PDE4D: variants seen among roughly 807,000 people sequenced by gnomAD.
PDE4D encodes the protein phosphodiesterase 4D.
In PDE4D, 24 loss-of-function variants were observed where a neutral mutation model predicts 87.4. That is an observed-to-expected ratio of 0.27 (90% confidence interval 0.20 to 0.39). The LOEUF (loss-of-function observed/expected upper bound fraction) is 0.39. Among genes scored for constraint, PDE4D ranks in the 10% least tolerant of loss-of-function variants. PDE4D has a pLI of 1.00. For missense variants in PDE4D, 714 were observed against 1,041.0 expected, an observed-to-expected ratio of 0.69 and a Z score of 4.32; for synonymous variants, 384 against 383.2, an observed-to-expected ratio of 1.00 and a Z score of -0.02.
Position 59,004,555 on chromosome 5 carries a change from A to C in PDE4D, c.922-11090T>G, listed in dbSNP as rs1381580212. Among the ~76,000 whole-genome samples the C allele has an allele frequency of 4.6e-5, 7 of 152,372 alleles. No homozygotes were observed. The East Asian group carries it at 1.3e-3, about 29-fold the overall frequency. Reference sequence around the variant, plus strand: ...ATGAATGATTCTTTGAAAGGTTTCAAATGTAACAAAGTGCCATCTTCACAA... The same window carrying C: ...ATGAATGATTCTTTGAAAGGTTTCACATGTAACAAAGTGCCATCTTCACAA... On this transcript the variant is annotated intron_variant, in intron 6 of 14. Transcript: ENST00000340635.
intron 1 of PDE4D, among the ~76,000 whole-genome samples, chr5:59,696,343 A>T (rs1751773949): frequency 6.6e-6 from 1 of 152,188 alleles, no homozygotes; most frequent in Admixed American, 6.5e-5. Context: ...AATGACTACT[A>T]TAATTGGGCA....
chr5:59,556,700 G>A (rs1818986519), intron 1 of PDE4D, among the ~76,000 whole-genome samples: 1 of 152,144 alleles, frequency 6.6e-6, no homozygotes, highest in South Asian at 2.1e-4. Context: ...TCCTTCAGAG[G>A]AAGCACTATG....
chr5:60,510,811 A>G (rs558393312), intron 1 of PDE4D, among the ~76,000 whole-genome samples: 18 of 152,344 alleles, frequency 1.2e-4, no homozygotes, highest in Admixed American at 3.9e-4. Flanking sequence ...GTGGTAAGGC[A>G]GCTACTGTGA....
intron 1 of PDE4D, among the ~76,000 whole-genome samples, chr5:60,328,406 C>G (rs906139832): frequency 6.6e-6 from 1 of 151,988 alleles, no homozygotes; most frequent in Non-Finnish European, 1.5e-5. Flanking sequence ...GGAATCAAGT[C>G]ATTCAGTATG....
At chr5:59,675,758 T>C (rs1228497597) in intron 1 of PDE4D, among the ~76,000 whole-genome samples, 2 of 152,166 alleles carry the variant, frequency 1.3e-5, no homozygotes, top group African/African-American at 4.8e-5. Flanking sequence ...GGCGCAATCC[T>C]GGCTTACTGT....
intron 1 of PDE4D, among the ~76,000 whole-genome samples, chr5:59,547,751 C>T (rs1817509816): frequency 6.6e-6 from 1 of 152,148 alleles, no homozygotes; most frequent in Non-Finnish European, 1.5e-5. Context: ...CATGCATCTT[C>T]TCCTCTTATT....
At chr5:60,405,060 G>A (rs1432365758) in intron 1 of PDE4D, among the ~76,000 whole-genome samples, 2 of 152,180 alleles carry the variant, frequency 1.3e-5, no homozygotes, top group African/African-American at 2.4e-5. Flanking sequence ...AACTAAATTT[G>A]GCTGACATCT....
At chr5:59,203,602 G>A (rs964242452) in intron 2 of PDE4D, among the ~76,000 whole-genome samples, 1 of 150,900 alleles carries the variant, frequency 6.6e-6, no homozygotes, top group East Asian at 1.9e-4. Context: ...TCTAACAACA[G>A]ATGAATAAAG....
intron 2 of PDE4D, among the ~76,000 whole-genome samples, chr5:60,003,566 C>T (rs796123116): frequency 7.2e-5 from 11 of 151,754 alleles, no homozygotes; most frequent in East Asian, 1.9e-4. Context: ...AAAAATTAGC[C>T]GAACGTGGTG....
chr5:59,313,149 G>T (rs1773024192), intron 1 of PDE4D, among the ~76,000 whole-genome samples: 1 of 152,112 alleles, frequency 6.6e-6, no homozygotes, highest in South Asian at 2.1e-4. Flanking sequence ...CTCTGGAAAT[G>T]ACAGGTAGTG....
chr5:59,198,643 G>A (rs1271665116), intron 2 of PDE4D, among the ~76,000 whole-genome samples: 1 of 152,168 alleles, frequency 6.6e-6, no homozygotes, highest in African/African-American at 2.4e-5. Flanking sequence ...TTGAAAGCAG[G>A]AGAATACAGG....
chr5:59,099,046 A>T (rs1770275962), intron 5 of PDE4D, among the ~76,000 whole-genome samples: 1 of 152,182 alleles, frequency 6.6e-6, no homozygotes, highest in Non-Finnish European at 1.5e-5. Context: ...GGCAGATGTC[A>T]CCCAATATAA....
intron 3 of PDE4D, chr5:59,987,788 C>A (rs1762594121): frequency 2.0e-5 from 3 of 152,180 alleles, no homozygotes; most frequent in Admixed American, 2.0e-4. Flanking sequence ...TCCTTACTTT[C>A]TTTCACAATT....
intron 1 of PDE4D, among the ~76,000 whole-genome samples, chr5:60,427,228 A>G (rs2150104496): frequency 6.6e-6 from 1 of 152,342 alleles, no homozygotes; most frequent in East Asian, 1.9e-4. Flanking sequence ...AAGAATAAAT[A>G]TAAAGAAAAC....
At chr5:59,195,562 G>A (rs1174851367) in intron 2 of PDE4D, among the ~76,000 whole-genome samples, 1 of 152,204 alleles carries the variant, frequency 6.6e-6, no homozygotes, top group Non-Finnish European at 1.5e-5. Flanking sequence ...TGTATGAAAT[G>A]TACAAGAACT....
chr5:59,492,034 A>T (rs527318196), intron 1 of PDE4D, among the ~76,000 whole-genome samples: 2 of 152,268 alleles, frequency 1.3e-5, no homozygotes, highest in East Asian at 3.9e-4. Context: ...AAGAGAGAGA[A>T]ATCTACTGCA....
chr5:60,040,281 T>C (rs1768321305), intron 2 of PDE4D, among the ~76,000 whole-genome samples: 2 of 152,170 alleles, frequency 1.3e-5, no homozygotes, highest in Non-Finnish European at 2.9e-5. Flanking sequence ...GAAAGACCAG[T>C]GTTGTCACAT....
chr5:59,738,973 C>T (rs546225795), intron 1 of PDE4D, among the ~76,000 whole-genome samples: 1 of 151,560 alleles, frequency 6.6e-6, no homozygotes, highest in Admixed American at 6.6e-5. Flanking sequence ...GAACATTGAC[C>T]TGAGGGTGAG....
chr5:59,797,257 A>C (rs1268335027), intron 1 of PDE4D: 1 of 152,262 alleles, frequency 6.6e-6, no homozygotes. Context: ...ATTTTCTAGA[A>C]GTTAGATCAG....
Sources: gnomAD v4.1 joint callset for allele counts (sites outside exome capture counted in the v4.1 genomes callset) on GRCh38, gnomAD v4.1.1 for gene constraint, MANE v1.5 for transcripts, NCBI Gene and HGNC (gene_info 2026-07-23, HGNC 2026-07-21) for gene names.